ANKS6: variants seen among roughly 807,000 people sequenced by gnomAD.
ANKS6 encodes ankyrin repeat and SAM domain-containing protein 6.
Under a neutral mutation model 77.9 loss-of-function variants are expected in ANKS6, and 47 were observed. That is an observed-to-expected ratio of 0.60 (90% CI 0.48 to 0.77). The LOEUF is 0.77. Among genes scored for constraint, ANKS6 ranks in the 30% least tolerant of loss-of-function variants. The pLI is 0.00. For synonymous variants in ANKS6, 488 were observed against 501.7 expected, an observed-to-expected ratio of 0.97 and a Z score of 0.37; for missense variants, 1,150 against 1,159.1, an observed-to-expected ratio of 0.99 and a Z score of 0.11.
chr9:98,796,226 C>T lies in ANKS6; in HGVS notation c.266G>A (p.Gly89Asp), dbSNP rs919920940. The change falls in exon 1 of 15, where the codon GGC becomes GAC. Residue 89 changes from glycine to aspartate, a missense_variant. Physicochemically the swap from Gly to Asp is moderately conservative, Grantham distance 94 (BLOSUM62 -1). Coordinates refer to ENST00000353234, the MANE Select transcript of ANKS6 (RefSeq NM_173551.5). ...CAGGAAGCGCACCAGCGGTTCGTGG[C>T]CCCCGGCCGCGGCGAACTGCAGTGC... ...NTALQFAAAGGHEPLVRFLLR... is the reference protein window; with the variant it reads ...NTALQFAAAGDHEPLVRFLLR... 7.1e-6 allele frequency: 10 copies of T among 1,404,560 alleles called. No individual in the cohort carries two copies. In the African/African-American group the frequency reaches 1.2e-4, roughly 17 times the overall value. The allele number at this position is 1,404,560 out of a possible 1,614,324, so 87.0% of individuals were successfully genotyped here.
At position 98,734,233 on chromosome 9, in the gene ANKS6, C is replaced by G; in HGVS notation, c.*2286G>C. On this transcript the variant is annotated 3_prime_UTR_variant, in exon 15 of 15. Transcript: ENST00000353234. ...AGTCCAGTGAAAAAGAAAGGAAAGG[C>G]ATTGTCTGGAGCCTCTGCTGTCCTG... 1.0e-6 allele frequency: 1 copy of G among 985,510 alleles called. No individual in the cohort carries two copies. Among genetic ancestry groups the G allele is most frequent in the Non-Finnish European group, 1.2e-6 (1 of 830,022 alleles). The allele number at this position is 985,510 out of a possible 1,614,324, so 61.0% of individuals were successfully genotyped here. A position where few individuals can be genotyped will look rare whatever the true frequency, so the allele number is the denominator to read the frequency against.
Position 98,732,353 on chromosome 9 carries a change from A to G in ANKS6, c.*4166T>C, listed in dbSNP as rs2131908155. ...CTTTTTACCCGCTGGATCAGCTTCT[A>G]CGACTTGGTCAAACTATCTTTCTTT... On this transcript the variant is annotated 3_prime_UTR_variant, in exon 15 of 15. Coordinates refer to ENST00000353234, the MANE Select transcript of ANKS6 (RefSeq NM_173551.5). The G allele has an allele frequency of 1.1e-6, 1 of 922,158 alleles. No individual in the cohort carries two copies. Among genetic ancestry groups the G allele is most frequent in the East Asian group, 2.6e-5 (1 of 37,804 alleles). The allele number at this position is 922,158 out of a possible 1,614,324, so 57.1% of individuals were successfully genotyped here.
chr9:98,755,044 G>A lies in ANKS6; in HGVS notation c.2326+1376C>T, dbSNP rs557010420. Among the ~76,000 whole-genome samples the A allele has an allele frequency of 2.2e-4, 34 of 152,246 alleles. No homozygotes were observed. The South Asian group carries it at 7.1e-3, about 32-fold the overall frequency. On this transcript the variant is annotated intron_variant, in intron 12 of 14. Transcript: ENST00000353234. ...CCACATAGAAAATATGGTTGGGGAG[G>A]AATGAGTTTGCTGGTGAATCTCTGA... is the stretch of plus-strand genomic sequence containing the variant.
Position 98,780,185 on chromosome 9 carries a change from A to G in ANKS6, c.1368+4T>C, listed in dbSNP as rs1724045506. The stretch of plus-strand genomic sequence containing the variant: ...AAGCCCCTTTAAGACAGGAAAAGGC[A>G]AACCTTCAGTCCACCCTTGTCATCG... On this transcript the variant is annotated splice_donor_region_variant and intron_variant, in intron 6 of 14. Coordinates refer to ENST00000353234, the MANE Select transcript of ANKS6 (RefSeq NM_173551.5). The G allele has an allele frequency of 6.2e-7, 1 of 1,613,402 alleles. No homozygotes were observed. The highest frequency in any genetic ancestry group is 1.3e-5 in the African/African-American group (1 of 74,916).
At chr9:98,754,483 T>C (rs940710370) in intron 12 of ANKS6, among the ~76,000 whole-genome samples, 5 of 151,886 alleles carry the variant, frequency 3.3e-5, no homozygotes, top group Admixed American at 2.6e-4. Context: ...CTACTAATAA[T>C]ACAAAATAAT....
rs1304626356 is a variant in ANKS6 at position 98,735,233 on chromosome 9, A to C, written c.*1286T>G. On this transcript the variant is annotated 3_prime_UTR_variant, in exon 15 of 15. Coordinates refer to ENST00000353234, the MANE Select transcript of ANKS6 (RefSeq NM_173551.5). ...TGAACTTTGAACCTGAGTCCAGAGCACAAGGTCTGCCCACTCTACCATGCT... is the reference window on the plus strand; with the variant it reads ...TGAACTTTGAACCTGAGTCCAGAGCCCAAGGTCTGCCCACTCTACCATGCT... 2.0e-6 allele frequency: 2 copies of C among 986,772 alleles called. No individual in the cohort carries two copies. Among genetic ancestry groups the C allele is most frequent in the African/African-American group, 3.5e-5 (2 of 57,302 alleles). 61.1% of individuals were successfully genotyped at this position (986,772 alleles called of 1,614,324 possible). A position where few individuals can be genotyped will look rare whatever the true frequency, so the allele number is the denominator to read the frequency against.
rs190571535 is a variant in ANKS6 at position 98,741,798 on chromosome 9, C to T, written c.2511+3761G>A. ...GGTCCACAACGTTTTGCTAATATTA[C>T]TATGCTTAATAAGACTTGCTGATGT... On this transcript the variant is annotated intron_variant, in intron 14 of 14. Transcript: ENST00000353234. 2.4e-4 allele frequency among the ~76,000 whole-genome samples: 37 copies of T among 152,274 alleles called. 1 individual carries two copies. In the East Asian group the frequency reaches 5.6e-3, roughly 23 times the overall value.
rs1833785655 is a variant in ANKS6, at chr9:98,774,045, A to G, written c.1653T>C (p.Ser551=). 6.5e-7 allele frequency: 1 copy of G among 1,550,076 alleles called. No individual in the cohort carries two copies. Residue 551 remains serine (S), a synonymous_variant, in exon 9 of 15, where the codon AGT becomes AGC. Transcript: ENST00000353234. ...GGGGGATGACTGCTTTCAGCTTGTC[A>G]CTCGGGAGTCTGGTGAGGGGAGCTC... ...RNGAPLTRLP[S]DKLKAVIPPF...
intron 14 of ANKS6, among the ~76,000 whole-genome samples, chr9:98,740,437 G>A (rs1019981156): frequency 1.3e-5 from 2 of 152,324 alleles, no homozygotes; most frequent in South Asian, 2.1e-4. Context: ...TCGCAGGCCC[G>A]CCCCTTTTCC....
chr9:98,750,912 C>T, intron 13 of ANKS6, 117 bp downstream of exon 13: 1 of 766,300 alleles, frequency 1.3e-6, no homozygotes, highest in Non-Finnish European at 2.1e-6. Flanking sequence ...ATTCTATTTC[C>T]TCAACTGTCT....
intron 1 of ANKS6, among the ~76,000 whole-genome samples, chr9:98,795,788 G>A (rs1197416307): frequency 6.6e-6 from 1 of 152,136 alleles, no homozygotes; most frequent in Admixed American, 6.5e-5. Flanking sequence ...GGGTCTCGCA[G>A]CACCCTCAAC....
At chr9:98,795,744 C>G (rs1227203235) in intron 1 of ANKS6, among the ~76,000 whole-genome samples, 1 of 152,176 alleles carries the variant, frequency 6.6e-6, no homozygotes, top group African/African-American at 2.4e-5. Flanking sequence ...TTTGCCTGGC[C>G]TGCCCACCAA....
chr9:98,748,308 G>C (rs1361723375), intron 13 of ANKS6, among the ~76,000 whole-genome samples: 1 of 152,214 alleles, frequency 6.6e-6, no homozygotes, highest in African/African-American at 2.4e-5. Context: ...GAGAGCACCA[G>C]AGACGGAATT....
rs193145856 is a variant in ANKS6, at chr9:98,788,982, C to T, written c.862+1122G>A. ...CATTTTTGCCACCTCTCTGTCATTA[C>T]AGGCTTTTAAAACATGTTTATTTCA... is the stretch of plus-strand genomic sequence containing the variant. On this transcript the variant is annotated intron_variant, in intron 2 of 14. Transcript: ENST00000353234. 3.3e-5 allele frequency among the ~76,000 whole-genome samples: 5 copies of T among 151,762 alleles called. No homozygotes were observed. The East Asian group carries it at 5.8e-4, about 18-fold the overall frequency.
chr9:98,734,031 C>T lies in ANKS6; in HGVS notation c.*2488G>A. On this transcript the variant is annotated 3_prime_UTR_variant, in exon 15 of 15. Transcript: ENST00000353234. ...AGAAAAACAAGCACCCAACTGACCCCTCCTCCCTGACGATCTATAACCTAC... is the reference window on the plus strand; with the variant it reads ...AGAAAAACAAGCACCCAACTGACCCTTCCTCCCTGACGATCTATAACCTAC... The T allele has an allele frequency of 5.1e-6, 5 of 985,344 alleles. No individual in the cohort carries two copies. Among genetic ancestry groups the T allele is most frequent in the Non-Finnish European group, 6.0e-6 (5 of 829,954 alleles). The allele number at this position is 985,344 out of a possible 1,614,324, so 61.0% of individuals were successfully genotyped here.
chr9:98,795,505 C>A (rs544665397), intron 1 of ANKS6, among the ~76,000 whole-genome samples: 1 of 152,284 alleles, frequency 6.6e-6, no homozygotes, highest in East Asian at 1.9e-4. Context: ...CTCATACATT[C>A]TACGCATACC....
intron 1 of ANKS6, among the ~76,000 whole-genome samples, chr9:98,794,777 A>G (rs1359708523): frequency 6.6e-6 from 1 of 152,094 alleles, no homozygotes; most frequent in Non-Finnish European, 1.5e-5. Flanking sequence ...CACACATAAC[A>G]CATCAGTGGC....
Position 98,784,224 on chromosome 9 carries a change from T to C in ANKS6, c.908-67A>G, listed in dbSNP as rs1415129794. On this transcript the variant is annotated intron_variant, in intron 3 of 14. Coordinates refer to ENST00000353234, the MANE Select transcript of ANKS6 (RefSeq NM_173551.5). Reference sequence around the variant, plus strand: ...TACCATAGGCTGATTTCTCCTGTGGTTCATGTAACAAACACTTGCTGGCCC... The same window carrying C: ...TACCATAGGCTGATTTCTCCTGTGGCTCATGTAACAAACACTTGCTGGCCC... 5 of 1,410,800 alleles carry C rather than the reference T, an allele frequency of 3.5e-6. No homozygotes were observed. The East Asian group carries it at 1.2e-4, about 35-fold the overall frequency. 87.4% of individuals were successfully genotyped at this position (1,410,800 alleles called of 1,614,324 possible).
chr9:98,760,133 T>A (rs930949573), intron 11 of ANKS6, among the ~76,000 whole-genome samples: 1 of 152,056 alleles, frequency 6.6e-6, no homozygotes, highest in Non-Finnish European at 1.5e-5. Context: ...AATAAAAATT[T>A]AAAGATATTA....
Sources: allele counts gnomAD v4.1 joint callset (sites outside exome capture counted in the v4.1 genomes callset), GRCh38; gene constraint gnomAD v4.1.1; transcripts MANE v1.5; gene names NCBI Gene and HGNC (gene_info 2026-07-23, HGNC 2026-07-21).